The following SLC25A25 variants were observed in gnomAD, a reference collection of about 807,000 sequenced individuals.
SLC25A25 encodes the protein solute carrier family 25 member 25.
SLC25A25 carries 32 observed loss-of-function variants against 57.7 expected under a neutral mutation model. The ratio of observed to expected loss-of-function variants is 0.55; its 90% CI spans 0.42 to 0.74. The LOEUF (loss-of-function observed/expected upper bound fraction) is 0.74, where lower values mean the gene tolerates loss of function less well. SLC25A25 is among the 30% of genes least tolerant of loss of function. SLC25A25 has a pLI of 0.00. For synonymous variants in SLC25A25, 306 were observed against 291.2 expected, an observed-to-expected ratio of 1.05 and a Z score of -0.52; for missense variants, 556 against 701.3, an observed-to-expected ratio of 0.79 and a Z score of 2.34.
chr9:128,092,057 C>T (rs1341909874), intron 1 of SLC25A25: 1 of 1,613,954 alleles, frequency 6.2e-7, no homozygotes, highest in South Asian at 1.1e-5. Context: ...CACCATTTTG[C>T]TGGTGGTTGG....
intron 1 of SLC25A25, among the ~76,000 whole-genome samples, chr9:128,083,513 C>CTTTTTTTTT (rs1315501906): frequency 8.5e-6 from 1 of 117,454 alleles, no homozygotes; most frequent in African/African-American, 3.2e-5. Context: ...TTTCTTTTTT[C>CTTTTTTTTT]TTTTTTTTTT....
Position 128,099,094 on chromosome 9 carries a change from G to A in SLC25A25, c.262-2002G>A. 1 of 985,400 alleles carries A rather than the reference G, an allele frequency of 1.0e-6. No individual in the cohort carries two copies. The highest frequency in any genetic ancestry group is 1.2e-6 in the Non-Finnish European group (1 of 829,912). The allele number at this position is 985,400 out of a possible 1,614,324, so 61.0% of individuals were successfully genotyped here. ...GGGAGGCCCAGGAGTTGAGGGTGCT[G>A]CGTGGTGGAGCTGCCCGTCCCTGGT... is the stretch of plus-strand genomic sequence containing the variant. On this transcript the variant is annotated intron_variant, in intron 1 of 10. Transcript: ENST00000373069. This position sits in a 1 kb window ranked among gnomAD's most constrained non-coding sequence, Gnocchi z 6.8.
At chr9:128,088,283 C>G (rs990688669) in intron 1 of SLC25A25, among the ~76,000 whole-genome samples, 3 of 152,222 alleles carry the variant, frequency 2.0e-5, no homozygotes, top group African/African-American at 7.2e-5. Context: ...GTTTTCCACT[C>G]TGGCTGACAG....
intron 1 of SLC25A25, among the ~76,000 whole-genome samples, chr9:128,069,992 A>T (rs1832867146): frequency 1.5e-5 from 2 of 136,640 alleles, no homozygotes; most frequent in South Asian, 4.6e-4. Context: ...ATCTTGGCTC[A>T]CTGCAAGCTC....
chr9:128,087,742 CTG>C (rs1236464776), intron 1 of SLC25A25, among the ~76,000 whole-genome samples: 54 of 152,260 alleles, frequency 3.5e-4, no homozygotes, highest in African/African-American at 1.2e-3. Flanking sequence ...TTTGTTTCCT[CTG>C]TGTTTTATTT....
rs1833831499 is a variant in SLC25A25, at chr9:128,102,258, T to A, written c.513-112T>A. ...TCTTTCTCCTGGGGGCAGAGGCACCTCGTGTGGTTTCTGGGCATCCGAATG... is the reference window on the plus strand; with the variant it reads ...TCTTTCTCCTGGGGGCAGAGGCACCACGTGTGGTTTCTGGGCATCCGAATG... On this transcript the variant is annotated intron_variant, in intron 4 of 10. Coordinates refer to ENST00000373069, the MANE Select transcript of SLC25A25 (RefSeq NM_001330988.2). This position sits in a 1 kb window ranked among gnomAD's most constrained non-coding sequence, Gnocchi z 4.1. 1 of 1,401,358 alleles carries A rather than the reference T, an allele frequency of 7.1e-7. No individual in the cohort carries two copies. Among genetic ancestry groups the A allele is most frequent in the Non-Finnish European group, 9.9e-7 (1 of 1,008,740 alleles). 86.8% of individuals were successfully genotyped at this position (1,401,358 alleles called of 1,614,324 possible). A position where few individuals can be genotyped will look rare whatever the true frequency, so the allele number is the denominator to read the frequency against.
rs561829446 is a variant in SLC25A25 at position 128,092,691 on chromosome 9, C to T, written c.262-8405C>T. ...GCCAACTGTGGGGTCTTTCATCCTTCCTGAGCCCAGAGCGTGAGTTACCAT... is the reference window on the plus strand; with the variant it reads ...GCCAACTGTGGGGTCTTTCATCCTTTCTGAGCCCAGAGCGTGAGTTACCAT... On this transcript the variant is annotated intron_variant, in intron 1 of 10. Transcript: ENST00000373069. 2.0e-5 allele frequency among the ~76,000 whole-genome samples: 3 copies of T among 152,262 alleles called. No individual in the cohort carries two copies. The East Asian group carries it at 5.8e-4, about 29-fold the overall frequency.
At chr9:128,098,285 G>C (rs932955357) in intron 1 of SLC25A25, 1 of 316,118 alleles carries the variant, frequency 3.2e-6, no homozygotes, top group African/African-American at 2.2e-5. Context: ...TTCTCCAAGA[G>C]TTAACTGCAG....
chr9:128,073,906 A>G (rs899782070), intron 1 of SLC25A25, among the ~76,000 whole-genome samples: 4 of 151,816 alleles, frequency 2.6e-5, no homozygotes, highest in African/African-American at 9.7e-5. Context: ...GCTAATTTTT[A>G]TATTTTCAGT....
chr9:128,087,227 C>T (rs994890518), intron 1 of SLC25A25, among the ~76,000 whole-genome samples: 2 of 152,096 alleles, frequency 1.3e-5, no homozygotes, highest in African/African-American at 4.8e-5. Flanking sequence ...CGTGAGCCAC[C>T]GCGCCCGGCC....
At position 128,091,932 on chromosome 9, in the gene SLC25A25, C is replaced by T. The variant is rs757020221; in HGVS notation, c.262-9164C>T. On this transcript the variant is annotated intron_variant, in intron 1 of 10. Transcript: ENST00000373069. ...TTCCCCAGGGCTGGGTGCCACGGCT[C>T]CAGAGAGGGGGACGATCGTGAAGTC... 2.5e-6 allele frequency: 4 copies of T among 1,613,712 alleles called. No homozygotes were observed. In the South Asian group the frequency reaches 3.3e-5, roughly 13 times the overall value.
At chr9:128,078,219 G>C (rs371192014) in intron 1 of SLC25A25, among the ~76,000 whole-genome samples, 2 of 152,148 alleles carry the variant, frequency 1.3e-5, no homozygotes, top group African/African-American at 4.8e-5. Flanking sequence ...CATAGAAAGA[G>C]CCCAGGACTG....
Position 128,107,936 on chromosome 9 carries a change from T to A in SLC25A25, c.*492T>A. On this transcript the variant is annotated 3_prime_UTR_variant, in exon 11 of 11. Coordinates refer to ENST00000373069, the MANE Select transcript of SLC25A25 (RefSeq NM_001330988.2). ...CCTCGTCCAATCCCATAATCCATGATGAAAGGTGAGGTCACGTGGCCTCCC... is the reference window on the plus strand; with the variant it reads ...CCTCGTCCAATCCCATAATCCATGAAGAAAGGTGAGGTCACGTGGCCTCCC... 1 of 399,144 alleles carries A rather than the reference T, an allele frequency of 2.5e-6. No individual in the cohort carries two copies. Among genetic ancestry groups the A allele is most frequent in the Non-Finnish European group, 4.4e-6 (1 of 226,456 alleles). The allele number at this position is 399,144 out of a possible 1,614,324, so 24.7% of individuals were successfully genotyped here.
intron 1 of SLC25A25, chr9:128,090,821 A>C (rs1002071127): frequency 6.6e-6 from 1 of 152,252 alleles, no homozygotes; most frequent in African/African-American, 2.4e-5. Flanking sequence ...CAATCAATCA[A>C]TCAATCAATA....
rs1833701591 is a variant in SLC25A25 at position 128,099,521 on chromosome 9, ACT to A, written c.262-1572_262-1571del. On this transcript the variant is annotated intron_variant, in intron 1 of 10. Coordinates refer to ENST00000373069, the MANE Select transcript of SLC25A25 (RefSeq NM_001330988.2). The surrounding 1 kb of genome is among the most constrained non-coding windows in gnomAD (Gnocchi z 6.8). ...CGCCTCCTGCCTAAATGGCTTGTCC[ACT>A]CTATTTCCATTCCTGTTAGAGATTT... is the stretch of plus-strand genomic sequence containing the variant. 1.7e-6 allele frequency: 1 copy of A among 584,704 alleles called. No homozygotes were observed. The highest frequency in any genetic ancestry group is 2.4e-6 in the Non-Finnish European group (1 of 421,370). 36.2% of individuals were successfully genotyped at this position (584,704 alleles called of 1,614,324 possible).
At chr9:128,085,015 A>G (rs1017514581) in intron 1 of SLC25A25, among the ~76,000 whole-genome samples, 7 of 152,262 alleles carry the variant, frequency 4.6e-5, no homozygotes, top group African/African-American at 1.7e-4. Flanking sequence ...GAAATCAAAG[A>G]CGCAAGAAAA....
At position 128,103,923 on chromosome 9, in the gene SLC25A25, C is replaced by T; in HGVS notation, c.783+84C>T. 1 of 1,400,260 alleles carries T rather than the reference C, an allele frequency of 7.1e-7. No individual in the cohort carries two copies. Among genetic ancestry groups the T allele is most frequent in the Non-Finnish European group, 9.4e-7 (1 of 1,060,364 alleles). 86.7% of individuals were successfully genotyped at this position (1,400,260 alleles called of 1,614,324 possible). On this transcript the variant is annotated intron_variant, in intron 6 of 10. Coordinates refer to ENST00000373069, the MANE Select transcript of SLC25A25 (RefSeq NM_001330988.2). The surrounding 1 kb of genome is among the most constrained non-coding windows in gnomAD (Gnocchi z 6.7). ...CTTGGCTAGTTTTCCCTTTCTCTGG[C>T]TGGTGCCTGCTTTGGGCCCAAACTT...
intron 1 of SLC25A25, chr9:128,091,789 G>A (rs1242400946): frequency 1.4e-5 from 21 of 1,508,624 alleles, no homozygotes; most frequent in Non-Finnish European, 1.7e-5. Flanking sequence ...CCCAGCAGCT[G>A]TGTAGCCAGA....
intron 1 of SLC25A25, chr9:128,100,825 C>T (rs898052950): frequency 1.9e-4 from 85 of 455,560 alleles, no homozygotes; most frequent in Middle Eastern, 1.2e-3. Context: ...CCGGAGGGCT[C>T]TTCCCAGGCT....
Sources: gnomAD v4.1 joint callset for allele counts (sites outside exome capture counted in the v4.1 genomes callset) on GRCh38, gnomAD v4.1.1 for gene constraint, Gnocchi (gnomAD v3.1) non-coding constraint, MANE v1.5 for transcripts, NCBI Gene and HGNC (gene_info 2026-07-23, HGNC 2026-07-21) for gene names.